GATAD1: variants seen among roughly 807,000 people sequenced by gnomAD.
GATAD1 encodes the protein GATA zinc finger domain containing 1, also known as GATA zinc finger domain-containing protein 1.
A neutral mutation model predicts 26.5 loss-of-function variants in GATAD1; 12 were observed. That is an observed-to-expected ratio of 0.45 (90% CI 0.29 to 0.73). The LOEUF (loss-of-function observed/expected upper bound fraction) is 0.73, where lower values mean the gene tolerates loss of function less well. Ranked by LOEUF, GATAD1 falls within the 30% of genes least tolerant of loss-of-function variation. The probability of loss-of-function intolerance (pLI) is 0.10; values close to 1 mark genes in which losing one functional copy is unlikely to be tolerated. For missense variants in GATAD1, 266 were observed against 342.1 expected (o/e 0.78, Z 1.75); for synonymous variants, 129 against 133.1 (o/e 0.97, Z 0.21).
At chr7:92,468,754 C>T in the GATAD1 span, 52 of 705,936 alleles carry the variant, frequency 7.4e-5, no homozygotes, top group African/African-American at 3.9e-4. Context: ...GGAGGTTGGC[C>T]GACGACCGCT....
chr7:92,451,696 A>G (rs1277683973), intron 3 of GATAD1, among the ~76,000 whole-genome samples: 7 of 152,264 alleles, frequency 4.6e-5, no homozygotes, highest in Admixed American at 2.0e-4. Context: ...TATTTTTCCA[A>G]CATTTAATAC....
downstream of GATAD1, among the ~76,000 whole-genome samples, chr7:92,462,537 C>A (rs113131159): frequency 1.8e-4 from 28 of 152,208 alleles, 1 homozygote; most frequent in South Asian, 1.0e-3. Context: ...CTTACGTAGT[C>A]AGGAAAAAAA....
Position 92,452,686 on chromosome 7 carries a change from A to G in GATAD1, c.436-1816A>G, listed in dbSNP as rs551093018. 5.9e-5 allele frequency among the ~76,000 whole-genome samples: 9 copies of G among 152,320 alleles called. No individual in the cohort carries two copies. In the South Asian group the frequency reaches 1.7e-3, roughly 28 times the overall value. On this transcript the variant is annotated intron_variant, in intron 3 of 4. Coordinates refer to ENST00000287957, the MANE Select transcript of GATAD1 (RefSeq NM_021167.5). ...GTGACTTAGTCCTGTTTGGTGTTAT[A>G]TATGTGTACACAACACAGCACATAT...
rs1367536641 is a variant in GATAD1 at position 92,459,324 on chromosome 7, C to A, written c.*2762C>A. ...CTAATAAAATGAACACAATGTAAAA[C>A]ATTTATTAAAATGTAGACTTTTAAA... On this transcript the variant is annotated 3_prime_UTR_variant, in exon 5 of 5. Transcript: ENST00000287957. The A allele has an allele frequency of 6.6e-6, 1 of 150,984 alleles. No individual in the cohort carries two copies. The highest frequency in any genetic ancestry group is 2.4e-5 in the African/African-American group (1 of 41,108). 9.4% of individuals were successfully genotyped at this position (150,984 alleles called of 1,614,324 possible).
the GATAD1 span, among the ~76,000 whole-genome samples, chr7:92,482,439 G>A: frequency 1.2e-4 from 19 of 152,170 alleles, no homozygotes; most frequent in African/African-American, 3.9e-4. Context: ...TGGGGGAATT[G>A]TATGGAGAGT....
At chr7:92,483,026 C>A in the GATAD1 span, among the ~76,000 whole-genome samples, 72 of 152,242 alleles carry the variant, frequency 4.7e-4, no homozygotes, top group African/African-American at 1.6e-3. Flanking sequence ...CAGGGGACTT[C>A]TGAAGTGATC....
At chr7:92,494,432 G>A in the GATAD1 span, 1 of 1,610,086 alleles carries the variant, frequency 6.2e-7, no homozygotes, top group Non-Finnish European at 8.5e-7. Context: ...ACCAAAATCT[G>A]ATGACATGAT....
At chr7:92,482,892 GGAAA>G in the GATAD1 span, among the ~76,000 whole-genome samples, 2 of 152,152 alleles carry the variant, frequency 1.3e-5, no homozygotes, top group African/African-American at 4.8e-5. Flanking sequence ...CAGTTATGGG[GGAAA>G]GGGAAACAGG....
At chr7:92,473,540 G>A in the GATAD1 span, among the ~76,000 whole-genome samples, 12 of 152,158 alleles carry the variant, frequency 7.9e-5, no homozygotes, top group South Asian at 6.2e-4. Flanking sequence ...GACAACAAAC[G>A]GGTGTTCCTT....
the GATAD1 span, among the ~76,000 whole-genome samples, chr7:92,484,488 C>T: frequency 1.3e-5 from 2 of 152,100 alleles, no homozygotes; most frequent in Admixed American, 1.3e-4. Flanking sequence ...GCAGGCGTCC[C>T]CGCAGTGATT....
the GATAD1 span, among the ~76,000 whole-genome samples, chr7:92,478,961 C>T: frequency 2.0e-5 from 3 of 152,066 alleles, no homozygotes; most frequent in South Asian, 2.1e-4. Flanking sequence ...AGGTTTTTTG[C>T]GGGGTACATG....
At chr7:92,475,638 G>A in the GATAD1 span, among the ~76,000 whole-genome samples, 2 of 151,514 alleles carry the variant, frequency 1.3e-5, no homozygotes, top group East Asian at 3.9e-4. Context: ...TATGCTTACC[G>A]ATGTAGCAGT....
At chr7:92,492,629 TACAA>T in the GATAD1 span, among the ~76,000 whole-genome samples, 15 of 152,358 alleles carry the variant, frequency 9.8e-5, no homozygotes, top group Admixed American at 3.3e-4. Context: ...AAAGTTAAAG[TACAA>T]ACAAACAAAA....
chr7:92,448,397 A>G (rs184802032), intron 1 of GATAD1, among the ~76,000 whole-genome samples: 1 of 152,298 alleles, frequency 6.6e-6, no homozygotes, highest in East Asian at 1.9e-4. Flanking sequence ...CTCTGGCCTT[A>G]GGGAGTAAAG....
the GATAD1 span, among the ~76,000 whole-genome samples, chr7:92,492,084 A>C: frequency 2.0e-5 from 3 of 152,332 alleles, no homozygotes; most frequent in Admixed American, 2.0e-4. Context: ...TAAAATCATA[A>C]TACTGTCTTT....
the GATAD1 span, among the ~76,000 whole-genome samples, chr7:92,473,978 G>A: frequency 6.6e-6 from 1 of 152,072 alleles, no homozygotes; most frequent in African/African-American, 2.4e-5. Flanking sequence ...CTTGAAATAA[G>A]GGGCATGGAC....
the GATAD1 span, among the ~76,000 whole-genome samples, chr7:92,480,784 A>C: frequency 6.6e-6 from 1 of 152,082 alleles, no homozygotes; most frequent in Non-Finnish European, 1.5e-5. Flanking sequence ...TTCCTAGAGT[A>C]ATGGGATCTG....
chr7:92,449,363 T>G (rs1789318936), intron 2 of GATAD1: 1 of 971,056 alleles, frequency 1.0e-6, no homozygotes, highest in Non-Finnish European at 1.2e-6. Flanking sequence ...TGAATATGAG[T>G]CAAAAATTTT....
At chr7:92,492,749 G>A in the GATAD1 span, among the ~76,000 whole-genome samples, 2 of 152,058 alleles carry the variant, frequency 1.3e-5, no homozygotes, top group Non-Finnish European at 2.9e-5. Flanking sequence ...TAATGTTAAA[G>A]AAACAGACAT....
Sources: allele counts gnomAD v4.1 joint callset (sites outside exome capture counted in the v4.1 genomes callset), GRCh38; gene constraint gnomAD v4.1.1; transcripts MANE v1.5; gene names NCBI Gene and HGNC (gene_info 2026-07-23, HGNC 2026-07-21).